CFAP299: variants seen among roughly 807,000 people sequenced by gnomAD.
CFAP299 encodes cilia- and flagella-associated protein 299.
A neutral mutation model predicts 27.0 loss-of-function variants in CFAP299; 21 were observed. That is an observed-to-expected ratio of 0.78 (90% CI 0.55 to 1.12). The LOEUF (loss-of-function observed/expected upper bound fraction) is 1.12, where lower values mean the gene tolerates loss of function less well. Ranked by LOEUF, CFAP299 falls within the 50% of genes most tolerant of loss-of-function variation. The probability of loss-of-function intolerance (pLI) is 0.00; values close to 1 mark genes in which losing one functional copy is unlikely to be tolerated. For missense variants in CFAP299, 310 were observed against 276.6 expected (o/e 1.12, Z -0.86); for synonymous variants, 104 against 98.1 (o/e 1.06, Z -0.36).
At chr4:80,340,843 T>G (rs1275070384) in intron 1 of CFAP299, among the ~76,000 whole-genome samples, 1 of 152,060 alleles carries the variant, frequency 6.6e-6, no homozygotes, top group African/African-American at 2.4e-5. Context: ...TGGTGCGATC[T>G]CGGCTCACAG....
chr4:80,488,910 G>A (rs1730973145), intron 2 of CFAP299, among the ~76,000 whole-genome samples: 1 of 152,200 alleles, frequency 6.6e-6, no homozygotes, highest in African/African-American at 2.4e-5. Context: ...TTCAGAGTGG[G>A]TACTATAACA....
chr4:80,492,435 G>C (rs909173495), intron 2 of CFAP299, among the ~76,000 whole-genome samples: 20 of 152,292 alleles, frequency 1.3e-4, no homozygotes, highest in African/African-American at 4.8e-4. Flanking sequence ...ATAAACATAT[G>C]ATGGCTCATC....
In CFAP299 at chr4:80,868,905, C is replaced by CTCTCTCTG. The variant is rs1435285713; in HGVS notation, c.334-1087_334-1086insCTCTCTGT. On this transcript the variant is annotated intron_variant, in intron 3 of 5. Coordinates refer to ENST00000358105, the MANE Select transcript of CFAP299 (RefSeq NM_152770.3). ...ATTCCATGGGTGGGGGCTTCTCTCTCTGTGTGTGTGTGTGTGTGTGTGTGT... is the reference window on the plus strand; with the variant it reads ...ATTCCATGGGTGGGGGCTTCTCTCTCTCTCTCTGTGTGTGTGTGTGTGTGTGTGTGTGT... 9.1e-3 allele frequency among the ~76,000 whole-genome samples: 1,251 copies of CTCTCTCTG among 137,668 alleles called. 9 individuals are homozygous for CTCTCTCTG. The highest frequency in any genetic ancestry group is 0.011 in the Middle Eastern group (3 of 278). The allele number at this position is 137,668 out of a possible 152,430, so 90.3% of individuals were successfully genotyped here. A position where few individuals can be genotyped will look rare whatever the true frequency, so the allele number is the denominator to read the frequency against.
chr4:80,377,775 A>C (rs1033113414), intron 2 of CFAP299, among the ~76,000 whole-genome samples: 1 of 152,100 alleles, frequency 6.6e-6, no homozygotes, highest in Non-Finnish European at 1.5e-5. Context: ...TTCTCTCACG[A>C]ATGTTTTATA....
chr4:80,915,196 A>C (rs920101493), intron 4 of CFAP299, among the ~76,000 whole-genome samples: 2 of 151,672 alleles, frequency 1.3e-5, no homozygotes, highest in Non-Finnish European at 2.9e-5. Context: ...TTTTTTCTCA[A>C]ATTATTTTTA....
Position 80,491,635 on chromosome 4 carries a change from C to T in CFAP299, c.243-91458C>T, listed in dbSNP as rs574429245. Among the ~76,000 whole-genome samples, 3 of 151,710 alleles carry T rather than the reference C, an allele frequency of 2.0e-5. No individual in the cohort carries two copies. The East Asian group carries it at 5.8e-4, about 29-fold the overall frequency. ...CTAAACTCTGATTTTTTTTTTCTTGCCCAAATTCCTATCTAAGGGGTCTGG... is the reference window on the plus strand; with the variant it reads ...CTAAACTCTGATTTTTTTTTTCTTGTCCAAATTCCTATCTAAGGGGTCTGG... On this transcript the variant is annotated intron_variant, in intron 2 of 5. Transcript: ENST00000358105.
chr4:80,435,869 G>T (rs773627224), intron 2 of CFAP299, among the ~76,000 whole-genome samples: 12 of 152,178 alleles, frequency 7.9e-5, no homozygotes, highest in African/African-American at 1.2e-4. Flanking sequence ...CAAGCCTTGA[G>T]TATTGTGTGT....
chr4:80,430,814 C>G lies in CFAP299; in HGVS notation c.242+67930C>G, dbSNP rs559882020. Reference sequence around the variant, plus strand: ...TCTTTCTCTCTCAGCACATCTCTATCTAATCTATCATCTTTTTACCTCATT... The same window carrying G: ...TCTTTCTCTCTCAGCACATCTCTATGTAATCTATCATCTTTTTACCTCATT... On this transcript the variant is annotated intron_variant, in intron 2 of 5. Coordinates refer to ENST00000358105, the MANE Select transcript of CFAP299 (RefSeq NM_152770.3). 5.2e-4 allele frequency among the ~76,000 whole-genome samples: 79 copies of G among 152,296 alleles called. No individual in the cohort carries two copies. The South Asian group carries it at 0.012, about 23-fold the overall frequency.
intron 3 of CFAP299, among the ~76,000 whole-genome samples, chr4:80,758,978 A>G (rs1725404985): frequency 6.6e-6 from 1 of 152,214 alleles, no homozygotes; most frequent in African/African-American, 2.4e-5. Flanking sequence ...TCTTAAGATT[A>G]ATCCTGGAAA....
intron 3 of CFAP299, among the ~76,000 whole-genome samples, chr4:80,684,986 TA>T (rs1342531166): frequency 1.3e-5 from 2 of 152,184 alleles, no homozygotes; most frequent in Non-Finnish European, 2.9e-5. Context: ...AACGGTACAA[TA>T]ATGTATGTAT....
intron 2 of CFAP299, among the ~76,000 whole-genome samples, chr4:80,462,294 C>A (rs1264764994): frequency 6.6e-6 from 1 of 152,166 alleles, no homozygotes; most frequent in Non-Finnish European, 1.5e-5. Flanking sequence ...CCTTTATACT[C>A]CTCTAGCTCC....
intron 2 of CFAP299, among the ~76,000 whole-genome samples, chr4:80,383,290 TAA>T: frequency 6.6e-6 from 1 of 152,160 alleles, no homozygotes; most frequent in East Asian, 1.9e-4. Context: ...CCCTGTGACA[TAA>T]GTTTACTTAT....
At chr4:80,447,130 G>GTTTTTTTTTTTTTTT (rs1553923883) in intron 2 of CFAP299, among the ~76,000 whole-genome samples, 4 of 105,308 alleles carry the variant, frequency 3.8e-5, no homozygotes, top group African/African-American at 1.3e-4. Context: ...TTTTTTTTTT[G>GTTTTTTTTTTTTTTT]TTTTTTTTTT....
At chr4:80,527,886 G>C (rs925574443) in intron 2 of CFAP299, among the ~76,000 whole-genome samples, 2 of 152,138 alleles carry the variant, frequency 1.3e-5, no homozygotes, top group Non-Finnish European at 2.9e-5. Flanking sequence ...CGACCTTGAT[G>C]AAGGGAATGA....
At position 80,646,941 on chromosome 4, in the gene CFAP299, A is replaced by G. The variant is rs190512007; in HGVS notation, c.333+63758A>G. 5.1e-3 allele frequency among the ~76,000 whole-genome samples: 771 copies of G among 152,184 alleles called. 5 individuals are homozygous for G. The highest frequency in any genetic ancestry group is 0.02 in the Middle Eastern group (6 of 294). On this transcript the variant is annotated intron_variant, in intron 3 of 5. Coordinates refer to ENST00000358105, the MANE Select transcript of CFAP299 (RefSeq NM_152770.3). The stretch of plus-strand genomic sequence containing the variant: ...AAGTTAGAAAAATATGTTTGAAACT[A>G]GGTTTGGACTAGGTTTTCCAATTCT...
chr4:80,877,304 T>C (rs1407022966), intron 4 of CFAP299, among the ~76,000 whole-genome samples: 1 of 152,192 alleles, frequency 6.6e-6, no homozygotes, highest in African/African-American at 2.4e-5. Flanking sequence ...TTAAGTACTG[T>C]CTCTCATGGA....
chr4:80,483,433 A>T (rs1328147117), intron 2 of CFAP299, among the ~76,000 whole-genome samples: 2 of 152,130 alleles, frequency 1.3e-5, no homozygotes, highest in Non-Finnish European at 2.9e-5. Flanking sequence ...ATGATTTCTT[A>T]TTTTTCATTC....
intron 3 of CFAP299, among the ~76,000 whole-genome samples, chr4:80,751,873 T>C (rs1014445002): frequency 7.2e-5 from 11 of 152,188 alleles, no homozygotes; most frequent in African/African-American, 2.4e-4. Flanking sequence ...TGGTCCTGCT[T>C]GGCTCTCTGG....
At chr4:80,330,430 T>G in the CFAP299 span, among the ~76,000 whole-genome samples, 2 of 152,298 alleles carry the variant, frequency 1.3e-5, no homozygotes, top group East Asian at 3.9e-4. Context: ...TCCATTTTTC[T>G]GCCCTCTTGC....
Sources: gnomAD v4.1 joint callset for allele counts (sites outside exome capture counted in the v4.1 genomes callset) on GRCh38, gnomAD v4.1.1 for gene constraint, MANE v1.5 for transcripts, NCBI Gene and HGNC (gene_info 2026-07-23, HGNC 2026-07-21) for gene names.